MAGI2: variants seen among roughly 807,000 people sequenced by gnomAD.
MAGI2 encodes the protein membrane-associated guanylate kinase, WW and PDZ domain-containing protein 2.
In MAGI2, 35 loss-of-function variants were observed where a neutral mutation model predicts 133.3. The observed-to-expected ratio is 0.26, with a 90% CI of 0.20 to 0.35. The LOEUF (loss-of-function observed/expected upper bound fraction) is 0.35, where lower values mean the gene tolerates loss of function less well. MAGI2 is among the 10% of genes least tolerant of loss of function. The pLI is 1.00. For missense variants in MAGI2, 1,636 were observed against 1,863.4 expected, an observed-to-expected ratio of 0.88 and a Z score of 2.25; for synonymous variants, 729 against 710.6, an observed-to-expected ratio of 1.03 and a Z score of -0.41.
At chr7:79,085,974 A>G (rs1816448365) in intron 1 of MAGI2, among the ~76,000 whole-genome samples, 1 of 151,954 alleles carries the variant, frequency 6.6e-6, no homozygotes, top group African/African-American at 2.4e-5. Context: ...GTTTTCTCAC[A>G]TCTTTTCTGG....
chr7:79,187,011 G>T (rs1585151919), intron 1 of MAGI2, among the ~76,000 whole-genome samples: 1 of 151,184 alleles, frequency 6.6e-6, no homozygotes, highest in South Asian at 2.1e-4. Context: ...ATATTTGGAA[G>T]CGATTACAAT....
chr7:79,339,464 G>T (rs201277855), intron 1 of MAGI2, among the ~76,000 whole-genome samples: 265 of 134,484 alleles, frequency 2.0e-3, no homozygotes, highest in African/African-American at 5.5e-3. Context: ...TTTTGTTTTT[G>T]TTTTTTTTTT....
At chr7:79,263,339 A>G (rs1834213473) in intron 1 of MAGI2, among the ~76,000 whole-genome samples, 1 of 152,038 alleles carries the variant, frequency 6.6e-6, no homozygotes, top group Admixed American at 6.5e-5. Context: ...TTTCACCGGT[A>G]TGAAAGCCAA....
In MAGI2 at chr7:78,954,905, T is replaced by C. The variant is rs901976119; in HGVS notation, c.418+52185A>G. ...TATAAAAAAAGAGGTCTGGTTATTA[T>C]AGATGTGAGTTTTAAGAACCTTACA... On this transcript the variant is annotated intron_variant, in intron 2 of 21. Coordinates refer to ENST00000354212, the MANE Select transcript of MAGI2 (RefSeq NM_012301.4). 2.0e-5 allele frequency among the ~76,000 whole-genome samples: 3 copies of C among 152,300 alleles called. No homozygotes were observed. In the East Asian group the frequency reaches 5.8e-4, roughly 29 times the overall value.
At chr7:79,132,942 A>G (rs910839492) in intron 1 of MAGI2, among the ~76,000 whole-genome samples, 3 of 152,186 alleles carry the variant, frequency 2.0e-5, no homozygotes, top group Non-Finnish European at 2.9e-5. Flanking sequence ...GGCCATTTGT[A>G]TATATTCTTT....
At chr7:78,245,978 A>AC (rs1791738087) in intron 10 of MAGI2, among the ~76,000 whole-genome samples, 1 of 152,156 alleles carries the variant, frequency 6.6e-6, no homozygotes, top group African/African-American at 2.4e-5. Context: ...CCATGGAGCC[A>AC]CCCCTGTTCA....
intron 2 of MAGI2, among the ~76,000 whole-genome samples, chr7:78,753,027 CA>C (rs1823599116): frequency 1.3e-5 from 2 of 151,960 alleles, no homozygotes; most frequent in African/African-American, 4.8e-5. Context: ...CCTGCTAAAA[CA>C]AAAAATAAAC....
intron 10 of MAGI2, among the ~76,000 whole-genome samples, chr7:78,234,319 TGTAATGCTCATTACAAC>T (rs1393817229): frequency 6.6e-6 from 1 of 152,180 alleles, no homozygotes; most frequent in Non-Finnish European, 1.5e-5. Flanking sequence ...TGAAATGCAT[TGTAATGCTCATTACAAC>T]CCACTCTCCT....
At chr7:78,586,023 C>T (rs1429254619) in intron 3 of MAGI2, among the ~76,000 whole-genome samples, 4 of 152,128 alleles carry the variant, frequency 2.6e-5, no homozygotes, top group African/African-American at 9.7e-5. Flanking sequence ...AAAGTAGACT[C>T]ATATACTGGC....
At chr7:79,037,798 ACTT>A (rs1416316701) in intron 1 of MAGI2, among the ~76,000 whole-genome samples, 17 of 152,144 alleles carry the variant, frequency 1.1e-4, no homozygotes, top group African/African-American at 3.1e-4. Flanking sequence ...GCTCTTCCTT[ACTT>A]CTTTTTTGTC....
intron 1 of MAGI2, among the ~76,000 whole-genome samples, chr7:79,388,470 T>A (rs1008352411): frequency 4.6e-5 from 7 of 151,992 alleles, no homozygotes; most frequent in African/African-American, 1.7e-4. Context: ...TCACGTAAGT[T>A]ATTCTTAGTT....
At chr7:78,086,105 G>GT (rs373846515) in intron 20 of MAGI2, among the ~76,000 whole-genome samples, 3 of 152,092 alleles carry the variant, frequency 2.0e-5, no homozygotes, top group Non-Finnish European at 4.4e-5. Flanking sequence ...TTATGATCTG[G>GT]TATCTTCTTC....
At chr7:78,418,186 C>T (rs1258340970) in intron 6 of MAGI2, among the ~76,000 whole-genome samples, 1 of 152,066 alleles carries the variant, frequency 6.6e-6, no homozygotes, top group Non-Finnish European at 1.5e-5. Context: ...AACAGAAAAG[C>T]AGAACATAAC....
At chr7:78,284,394 T>C (rs1000008714) in intron 9 of MAGI2, among the ~76,000 whole-genome samples, 2 of 152,016 alleles carry the variant, frequency 1.3e-5, no homozygotes, top group Admixed American at 1.3e-4. Flanking sequence ...TCCACTCCTC[T>C]CTGCTTCACC....
chr7:79,234,415 A>G lies in MAGI2; in HGVS notation c.301+218605T>C, dbSNP rs533214218. Among the ~76,000 whole-genome samples, 11 of 152,058 alleles carry G rather than the reference A, an allele frequency of 7.2e-5. No homozygotes were observed. In the East Asian group the frequency reaches 2.1e-3, roughly 29 times the overall value. ...TTTCCAACTTGGTTCCATTCTCCCC[A>G]TCACTTTCAGGTACACCAATCAGAC... On this transcript the variant is annotated intron_variant, in intron 1 of 21. Transcript: ENST00000354212.
At chr7:79,422,391 T>A (rs1352523091) in intron 1 of MAGI2, among the ~76,000 whole-genome samples, 1 of 152,016 alleles carries the variant, frequency 6.6e-6, no homozygotes, top group Non-Finnish European at 1.5e-5. Flanking sequence ...ATGTCACATA[T>A]ATTTAGCTAC....
At chr7:78,589,867 A>G (rs1300511725) in intron 3 of MAGI2, among the ~76,000 whole-genome samples, 4 of 152,230 alleles carry the variant, frequency 2.6e-5, no homozygotes, top group Admixed American at 2.6e-4. Context: ...CAGGTACAAC[A>G]AGCAGGTTAT....
intron 2 of MAGI2, among the ~76,000 whole-genome samples, chr7:78,740,170 A>C (rs1585251974): frequency 6.6e-6 from 1 of 151,742 alleles, no homozygotes; most frequent in Non-Finnish European, 1.5e-5. Context: ...AAAAAAAAAA[A>C]AACAAAAAAC....
At chr7:79,281,810 A>G (rs962009610) in intron 1 of MAGI2, among the ~76,000 whole-genome samples, 6 of 152,200 alleles carry the variant, frequency 3.9e-5, no homozygotes, top group Admixed American at 1.3e-4. Flanking sequence ...TACATACTAT[A>G]TAACTTCTTC....
Sources: gnomAD v4.1 joint callset for allele counts (sites outside exome capture counted in the v4.1 genomes callset) on GRCh38, gnomAD v4.1.1 for gene constraint, MANE v1.5 for transcripts, NCBI Gene and HGNC (gene_info 2026-07-23, HGNC 2026-07-21) for gene names.